The following ANKRD12 variants were observed in gnomAD, a reference collection of about 807,000 sequenced individuals.
ANKRD12 encodes ankyrin repeat domain-containing protein 12.
Under a neutral mutation model 183.4 loss-of-function variants are expected in ANKRD12, and 85 were observed. The ratio of observed to expected loss-of-function variants is 0.46; its 90% confidence interval spans 0.39 to 0.56. ANKRD12 has a LOEUF of 0.56. Ranked by LOEUF, ANKRD12 falls within the 20% of genes least tolerant of loss-of-function variation. ANKRD12 has a pLI of 0.00. For synonymous variants in ANKRD12, 914 were observed against 800.2 expected (o/e 1.14, Z -2.40); for missense variants, 2,405 against 2,357.1 (o/e 1.02, Z -0.42).
At chr18:9,266,053 A>G (rs1414261712) in intron 10 of ANKRD12, among the ~76,000 whole-genome samples, 1 of 152,006 alleles carries the variant, frequency 6.6e-6, no homozygotes, top group African/African-American at 2.4e-5. Context: ...AAATGAAGCA[A>G]GAAGTTTAGA....
intron 1 of ANKRD12, among the ~76,000 whole-genome samples, chr18:9,148,719 G>A (rs1215532749): frequency 1.3e-5 from 2 of 152,082 alleles, no homozygotes; most frequent in African/African-American, 4.8e-5. Context: ...TGGTCATTGT[G>A]CTTTAAGTGG....
Position 9,147,411 on chromosome 18 carries a change from A to G in ANKRD12, c.-52+10446A>G, listed in dbSNP as rs1019774805. On this transcript the variant is annotated intron_variant, in intron 1 of 12. Transcript: ENST00000262126. ...TTGCAAAGATTGGCTGCAATAGCCT[A>G]TCTTTTGTGGGGGGCTGCAGAGGGG... 6.6e-5 allele frequency among the ~76,000 whole-genome samples: 10 copies of G among 152,232 alleles called. No individual in the cohort carries two copies. The East Asian group carries it at 1.7e-3, about 26-fold the overall frequency.
chr18:9,242,155 C>T (rs750064636), intron 8 of ANKRD12, among the ~76,000 whole-genome samples: 9 of 152,032 alleles, frequency 5.9e-5, no homozygotes, highest in Non-Finnish European at 1.0e-4. Context: ...TTAGGGTACA[C>T]AAGACTATTA....
At chr18:9,223,983 A>T (rs980837087) in intron 8 of ANKRD12, among the ~76,000 whole-genome samples, 5 of 152,240 alleles carry the variant, frequency 3.3e-5, no homozygotes, top group African/African-American at 1.2e-4. Flanking sequence ...CACAGAGAAA[A>T]GCAAGATAAT....
chr18:9,137,514 G>T (rs868375549), intron 1 of ANKRD12: 4 of 147,432 alleles, frequency 2.7e-5, no homozygotes, highest in Non-Finnish European at 6.0e-5. Flanking sequence ...CCCGCCGCGC[G>T]TTCCCGCCGC....
intron 3 of ANKRD12, among the ~76,000 whole-genome samples, chr18:9,201,679 G>A (rs912678353): frequency 1.3e-5 from 2 of 152,138 alleles, no homozygotes; most frequent in African/African-American, 4.8e-5. Flanking sequence ...TAAATCTGAT[G>A]TTCTGTAGAG....
intron 10 of ANKRD12, among the ~76,000 whole-genome samples, chr18:9,272,935 C>T (rs1349814897): frequency 6.6e-6 from 1 of 150,878 alleles, no homozygotes; most frequent in Non-Finnish European, 1.5e-5. Context: ...TCCTGGGAGT[C>T]GAGGAGAGGA....
Position 9,255,705 on chromosome 18 carries a change from A to G in ANKRD12, c.2438A>G (p.Lys813Arg), listed in dbSNP as rs1567973349. 1 of 1,598,292 alleles carries G rather than the reference A, an allele frequency of 6.3e-7. No individual in the cohort carries two copies. Among genetic ancestry groups the G allele is most frequent in the Non-Finnish European group, 8.5e-7 (1 of 1,175,978 alleles). The change falls in exon 9 of 13, where the codon AAG becomes AGG. Residue 813 changes from lysine to arginine, a missense_variant. Physicochemically the swap from Lys to Arg is conservative, Grantham distance 26 (BLOSUM62 2). Around this residue, in one of 7 missense-constraint regions of ANKRD12, gnomAD observed 1,983 missense variants for 1,725.9 expected, o/e 1.15. Transcript: ENST00000262126. ...GAAATAGACATTGAAAAACAAGAAA[A>G]GCATATAAAGGAAAGTAAAGAAAAA... ...EKEIDIEKQE[K>R]HIKESKEKPE...
At chr18:9,261,056 C>A (rs1159091688) in intron 9 of ANKRD12, among the ~76,000 whole-genome samples, 1 of 152,100 alleles carries the variant, frequency 6.6e-6, no homozygotes, top group Non-Finnish European at 1.5e-5. Flanking sequence ...TTTATTGGGC[C>A]AGTCACTAGT....
rs1273201161 is a variant in ANKRD12 at position 9,256,312 on chromosome 18, A to AGAAAAAGAT, written c.3046_3054dup (p.Glu1016_Asp1018dup). ...AACCTTTGAAAACTCCAGATGGAAA[A>AGAAAAAGAT]GAAAAAGATAAAAAAGATAAAGATA... On this transcript the variant is annotated inframe_insertion, in exon 9 of 13. Coordinates refer to ENST00000262126, the MANE Select transcript of ANKRD12 (RefSeq NM_015208.5). 2.5e-6 allele frequency: 4 copies of AGAAAAAGAT among 1,595,610 alleles called. No individual in the cohort carries two copies. In the African/African-American group the frequency reaches 4.1e-5, roughly 16 times the overall value.
intron 8 of ANKRD12, among the ~76,000 whole-genome samples, chr18:9,252,274 A>G: frequency 6.6e-6 from 1 of 152,326 alleles, no homozygotes; most frequent in African/African-American, 2.4e-5. Flanking sequence ...GTGGTCTGCA[A>G]GTGAAATGGC....
chr18:9,195,719 C>T, intron 3 of ANKRD12, 21 bp downstream of exon 3: 4 of 1,599,360 alleles, frequency 2.5e-6, no homozygotes, highest in Non-Finnish European at 3.4e-6. Flanking sequence ...TTGCTGTTCT[C>T]TGGTAAAATC....
At chr18:9,274,261 G>C (rs1405537041) in intron 10 of ANKRD12, among the ~76,000 whole-genome samples, 4 of 152,168 alleles carry the variant, frequency 2.6e-5, no homozygotes, top group African/African-American at 7.2e-5. Context: ...GCATATTTTG[G>C]GGTAGCGTTT....
intron 9 of ANKRD12, among the ~76,000 whole-genome samples, chr18:9,261,772 A>G (rs991907103): frequency 3.3e-5 from 5 of 152,162 alleles, no homozygotes; most frequent in Non-Finnish European, 7.4e-5. Flanking sequence ...CTTTCTTCCC[A>G]CATGATTCGT....
chr18:9,195,834 TG>T, intron 3 of ANKRD12, 136 bp downstream of exon 3: 2 of 849,542 alleles, frequency 2.4e-6, no homozygotes, highest in Non-Finnish European at 3.3e-6. Flanking sequence ...TTTATCATTT[TG>T]GGGTAGGAAT....
intron 10 of ANKRD12, among the ~76,000 whole-genome samples, chr18:9,265,704 A>G (rs1326378329): frequency 6.6e-6 from 1 of 152,222 alleles, no homozygotes; most frequent in Non-Finnish European, 1.5e-5. Flanking sequence ...GAAACTAAAA[A>G]TCAGAGCGCC....
chr18:9,139,575 C>T (rs2078247626), intron 1 of ANKRD12, among the ~76,000 whole-genome samples: 1 of 152,168 alleles, frequency 6.6e-6, no homozygotes, highest in Non-Finnish European at 1.5e-5. Context: ...CAATCATTTC[C>T]ATCATAGTTC....
In ANKRD12 at chr18:9,267,232, G is replaced by C. The variant is rs546576660; in HGVS notation, c.5763+3344G>C. On this transcript the variant is annotated intron_variant, in intron 10 of 12. Transcript: ENST00000262126. ...AGATCAACGAGAGAAAGTTAACAAG[G>C]ATATCCAGGAATTGAACTCAGCTCT... Among the ~76,000 whole-genome samples, 171 of 152,184 alleles carry C rather than the reference G, an allele frequency of 1.1e-3. 2 individuals are homozygous for C. The highest frequency in any genetic ancestry group is 3.9e-3 in the African/African-American group (163 of 41,534).
At chr18:9,185,920 T>C (rs1007795845) in intron 2 of ANKRD12, among the ~76,000 whole-genome samples, 3 of 152,214 alleles carry the variant, frequency 2.0e-5, no homozygotes, top group African/African-American at 7.2e-5. Context: ...CAATGTTAGA[T>C]TTGAAGAAAG....
Sources: allele counts gnomAD v4.1 joint callset (sites outside exome capture counted in the v4.1 genomes callset), GRCh38; gene constraint gnomAD v4.1.1; regional missense constraint gnomAD v4.1.1; transcripts MANE v1.5; gene names NCBI Gene and HGNC (gene_info 2026-07-23, HGNC 2026-07-21).